The following GULP1 variants were observed in gnomAD, a reference collection of about 807,000 sequenced individuals.
The protein encoded by GULP1 is GULP PTB domain containing engulfment adaptor 1.
In GULP1, 19 loss-of-function variants were observed where a neutral mutation model predicts 40.9. The ratio of observed to expected loss-of-function variants is 0.46; its 90% CI spans 0.32 to 0.68. GULP1 has a LOEUF of 0.68. Ranked by LOEUF, GULP1 falls within the 30% of genes least tolerant of loss-of-function variation. The probability of loss-of-function intolerance (pLI) is 0.03; values close to 1 mark genes in which losing one functional copy is unlikely to be tolerated. For synonymous variants in GULP1, 119 were observed against 117.6 expected (o/e 1.01, Z -0.08); for missense variants, 312 against 362.2 (o/e 0.86, Z 1.12).
At position 188,553,231 on chromosome 2, in the gene GULP1, A is replaced by G. The variant is rs1314957028; in HGVS notation, c.399+11913A>G. On this transcript the variant is annotated intron_variant, in intron 7 of 11. Transcript: ENST00000409830. ...TCCAGTACCGTGTTGAATAGGAGTG[A>G]TGAAGGTGGGCATTCTTGTCTTGTT... is the stretch of plus-strand genomic sequence containing the variant. 2.0e-5 allele frequency among the ~76,000 whole-genome samples: 3 copies of G among 151,856 alleles called. No individual in the cohort carries two copies. The East Asian group carries it at 5.8e-4, about 29-fold the overall frequency.
intron 2 of GULP1, among the ~76,000 whole-genome samples, chr2:188,438,848 T>C (rs1208861800): frequency 2.0e-5 from 3 of 152,056 alleles, no homozygotes; most frequent in African/African-American, 7.2e-5. Context: ...TTGATTTGTA[T>C]GTTTTCATGT....
chr2:188,372,379 A>T (rs988311617), intron 1 of GULP1, among the ~76,000 whole-genome samples: 1 of 152,120 alleles, frequency 6.6e-6, no homozygotes, highest in Admixed American at 6.5e-5. Context: ...TTAGTATTAC[A>T]TAACCTGTTT....
intron 2 of GULP1, among the ~76,000 whole-genome samples, chr2:188,410,835 T>G (rs2053775636): frequency 6.6e-6 from 1 of 152,154 alleles, no homozygotes; most frequent in Non-Finnish European, 1.5e-5. Flanking sequence ...GGCACAGACC[T>G]TCATGGAAGG....
At chr2:188,406,463 A>G (rs73040428) in intron 2 of GULP1, among the ~76,000 whole-genome samples, 10,235 of 152,244 alleles carry the variant, frequency 0.067, 1,162 homozygotes, top group African/African-American at 0.23. Context: ...CAAAAATACA[A>G]TCCAACAAAA....
intron 1 of GULP1, among the ~76,000 whole-genome samples, chr2:188,293,415 A>G (rs2034223625): frequency 6.6e-6 from 1 of 152,236 alleles, no homozygotes; most frequent in East Asian, 1.9e-4. Flanking sequence ...TGTTCAAGTC[A>G]TGACTGATTT....
At chr2:188,585,301 C>T (rs1424160479) in intron 10 of GULP1, among the ~76,000 whole-genome samples, 1 of 152,188 alleles carries the variant, frequency 6.6e-6, no homozygotes, top group East Asian at 1.9e-4. Flanking sequence ...GTTGGTGGAT[C>T]TACCATTCGG....
chr2:188,440,205 G>T (rs895700529), intron 2 of GULP1, among the ~76,000 whole-genome samples: 4 of 152,192 alleles, frequency 2.6e-5, no homozygotes, highest in African/African-American at 9.6e-5. Flanking sequence ...CAAATCTATT[G>T]TTGGGAAGCT....
chr2:188,587,285 A>G (rs1702585546), intron 10 of GULP1, among the ~76,000 whole-genome samples: 1 of 152,082 alleles, frequency 6.6e-6, no homozygotes, highest in Non-Finnish European at 1.5e-5. Context: ...CTGGGATAGG[A>G]GGCATTTTTA....
chr2:188,292,591 G>A lies in GULP1; in HGVS notation c.-172+425G>A, dbSNP rs1169442537. Among the ~76,000 whole-genome samples the A allele has an allele frequency of 6.6e-6, 1 of 152,118 alleles. No individual in the cohort carries two copies. The highest frequency in any genetic ancestry group is 6.5e-5 in the Admixed American group (1 of 15,282). On this transcript the variant is annotated intron_variant, in intron 1 of 11. Transcript: ENST00000409830. The surrounding 1 kb of genome is among the most constrained non-coding windows in gnomAD (Gnocchi z 4.0). Reference sequence around the variant, plus strand: ...TGGATCCGTCCGGCTGAGGGTGCGTGGATCAGACTGGGCTGAGCAGGCAAG... The same window carrying A: ...TGGATCCGTCCGGCTGAGGGTGCGTAGATCAGACTGGGCTGAGCAGGCAAG...
chr2:188,488,976 T>C (rs1362099714), intron 4 of GULP1, among the ~76,000 whole-genome samples: 1 of 152,014 alleles, frequency 6.6e-6, no homozygotes, highest in Non-Finnish European at 1.5e-5. Flanking sequence ...TTTGGCTTAA[T>C]GAGTCATAGT....
At chr2:188,300,433 T>A (rs958833255) in intron 1 of GULP1, among the ~76,000 whole-genome samples, 1 of 152,132 alleles carries the variant, frequency 6.6e-6, no homozygotes, top group African/African-American at 2.4e-5. Context: ...TTATTTAAGA[T>A]TATATATTTG....
At chr2:188,504,862 G>A (rs2063756901) in intron 4 of GULP1, among the ~76,000 whole-genome samples, 1 of 151,018 alleles carries the variant, frequency 6.6e-6, no homozygotes. Flanking sequence ...TAAAGTCATA[G>A]CCTACTTTCT....
At chr2:188,454,095 C>T (rs1405670818) in intron 2 of GULP1, among the ~76,000 whole-genome samples, 1 of 152,200 alleles carries the variant, frequency 6.6e-6, no homozygotes, top group Non-Finnish European at 1.5e-5. Context: ...CCTGCCCACT[C>T]AGCCTGCCTG....
chr2:188,538,781 C>T (rs1018980687), intron 6 of GULP1, among the ~76,000 whole-genome samples: 1 of 151,594 alleles, frequency 6.6e-6, no homozygotes, highest in Non-Finnish European at 1.5e-5. Flanking sequence ...CATTTACAGA[C>T]ATGCATTTAG....
intron 4 of GULP1, among the ~76,000 whole-genome samples, chr2:188,514,174 C>T: frequency 6.6e-6 from 1 of 151,700 alleles, no homozygotes; most frequent in East Asian, 1.9e-4. Context: ...GGACCCTGAG[C>T]TAAAACAATT....
intron 2 of GULP1, among the ~76,000 whole-genome samples, chr2:188,411,120 G>C (rs1215314953): frequency 6.6e-6 from 1 of 152,136 alleles, no homozygotes; most frequent in Admixed American, 6.5e-5. Flanking sequence ...TTCACTGGCT[G>C]ATCGGGGCAT....
chr2:188,397,987 T>C (rs552236999), intron 2 of GULP1, among the ~76,000 whole-genome samples: 11 of 152,330 alleles, frequency 7.2e-5, no homozygotes, highest in Admixed American at 6.5e-4. Flanking sequence ...GAATGTGGCA[T>C]TACTTGGAAA....
intron 2 of GULP1, among the ~76,000 whole-genome samples, chr2:188,407,692 T>G (rs938765034): frequency 6.6e-6 from 1 of 151,234 alleles, no homozygotes; most frequent in Non-Finnish European, 1.5e-5. Context: ...CCAGAGAAAA[T>G]AATCTCAAAG....
At chr2:188,322,521 A>G (rs2040140609) in intron 1 of GULP1, among the ~76,000 whole-genome samples, 1 of 152,120 alleles carries the variant, frequency 6.6e-6, no homozygotes, top group African/African-American at 2.4e-5. Flanking sequence ...AATAGTATTC[A>G]TGGTGGTTTG....
Sources: gnomAD v4.1 joint callset for allele counts (sites outside exome capture counted in the v4.1 genomes callset) on GRCh38, gnomAD v4.1.1 for gene constraint, Gnocchi (gnomAD v3.1) non-coding constraint, MANE v1.5 for transcripts, NCBI Gene and HGNC (gene_info 2026-07-23, HGNC 2026-07-21) for gene names.